Variants in ZEB1 observed in about 807,000 individuals in gnomAD.
ZEB1 encodes zinc finger E-box binding homeobox 1.
In ZEB1, 21 loss-of-function variants were observed where a neutral mutation model predicts 84.9. The observed-to-expected ratio is 0.25, with a 90% confidence interval of 0.18 to 0.36. ZEB1 has a LOEUF of 0.36. ZEB1 is among the 10% of genes least tolerant of loss of function. The pLI, the probability that ZEB1 is intolerant of heterozygous loss-of-function variation, is 1.00. For missense variants in ZEB1, 1,104 were observed against 1,330.2 expected (o/e 0.83, Z 2.65); for synonymous variants, 420 against 471.1 (o/e 0.89, Z 1.41).
chr10:31,360,122 G>A (rs975476798), intron 1 of ZEB1, among the ~76,000 whole-genome samples: 1 of 152,144 alleles, frequency 6.6e-6, no homozygotes, highest in African/African-American at 2.4e-5. Flanking sequence ...AAAGTACTTG[G>A]ACTTTACAAT....
intron 1 of ZEB1, among the ~76,000 whole-genome samples, chr10:31,435,495 A>G (rs1355332901): frequency 6.6e-6 from 1 of 152,226 alleles, no homozygotes; most frequent in Non-Finnish European, 1.5e-5. Flanking sequence ...AGGAAATAGG[A>G]TGATGTGAAA....
intron 1 of ZEB1, among the ~76,000 whole-genome samples, chr10:31,389,873 C>G (rs568389326): frequency 6.6e-6 from 1 of 152,028 alleles, no homozygotes. Context: ...ATTTTATACT[C>G]ACAGCACATC....
intron 1 of ZEB1, among the ~76,000 whole-genome samples, chr10:31,339,274 G>C (rs971337097): frequency 6.6e-6 from 1 of 152,102 alleles, no homozygotes; most frequent in Non-Finnish European, 1.5e-5. Context: ...GTGACACATG[G>C]TTTTAACAGG....
chr10:31,325,767 CT>C (rs1205369686), intron 1 of ZEB1, among the ~76,000 whole-genome samples: 1 of 151,762 alleles, frequency 6.6e-6, no homozygotes, highest in Non-Finnish European at 1.5e-5. Context: ...TCTGTTTTCT[CT>C]TTTTAAAATA....
At chr10:31,443,138 G>A (rs558860536) in intron 1 of ZEB1, among the ~76,000 whole-genome samples, 2 of 152,326 alleles carry the variant, frequency 1.3e-5, no homozygotes, top group South Asian at 2.1e-4. Flanking sequence ...TGTTACTGAG[G>A]TTGAGCATCT....
chr10:31,342,533 T>C (rs10508761), intron 1 of ZEB1, among the ~76,000 whole-genome samples: 7,854 of 152,168 alleles, frequency 0.052, 585 homozygotes, highest in East Asian at 0.18. Context: ...ATGTTTATTA[T>C]TGAATCTCTG....
intron 4 of ZEB1, among the ~76,000 whole-genome samples, chr10:31,505,081 A>C (rs1324433508): frequency 2.0e-5 from 3 of 152,014 alleles, no homozygotes; most frequent in Non-Finnish European, 2.9e-5. Flanking sequence ...TGGTTCTGTC[A>C]TATATGTCCT....
chr10:31,402,965 C>A (rs776918007), intron 1 of ZEB1, among the ~76,000 whole-genome samples: 6 of 152,010 alleles, frequency 3.9e-5, no homozygotes, highest in Non-Finnish European at 8.8e-5. Context: ...TTGTTATTAG[C>A]TGTTAGAAAT....
intron 1 of ZEB1, among the ~76,000 whole-genome samples, chr10:31,359,344 T>C (rs2042609618): frequency 6.6e-6 from 1 of 152,000 alleles, no homozygotes. Flanking sequence ...TGAGAACTCT[T>C]ATGTGTTATG....
chr10:31,431,477 G>A (rs2057702837), intron 1 of ZEB1, among the ~76,000 whole-genome samples: 1 of 152,164 alleles, frequency 6.6e-6, no homozygotes, highest in Admixed American at 6.5e-5. Context: ...CCCAGAGTAT[G>A]TTGCAGGGAT....
At chr10:31,359,112 A>G (rs2042577325) in intron 1 of ZEB1, among the ~76,000 whole-genome samples, 1 of 152,198 alleles carries the variant, frequency 6.6e-6, no homozygotes, top group Non-Finnish European at 1.5e-5. Context: ...AAGGTCACAC[A>G]TGTTAAATTA....
At chr10:31,458,054 A>G (rs1359213959) in intron 1 of ZEB1, among the ~76,000 whole-genome samples, 2 of 152,126 alleles carry the variant, frequency 1.3e-5, no homozygotes, top group Non-Finnish European at 2.9e-5. Context: ...CAGGAATGTC[A>G]GCTATCTAGG....
At chr10:31,356,342 TATATG>T (rs1275644879) in intron 1 of ZEB1, among the ~76,000 whole-genome samples, 1 of 141,330 alleles carries the variant, frequency 7.1e-6, no homozygotes, top group Non-Finnish European at 1.5e-5. Context: ...ATTTTGGACA[TATATG>T]ATGTGTATAT....
chr10:31,376,603 C>G (rs1489249929), intron 1 of ZEB1, among the ~76,000 whole-genome samples: 1 of 151,724 alleles, frequency 6.6e-6, no homozygotes, highest in Non-Finnish European at 1.5e-5. Context: ...GCTCCAGAGT[C>G]ATACTGGTTG....
chr10:31,462,190 A>G (rs1273622760), intron 2 of ZEB1, among the ~76,000 whole-genome samples: 1 of 151,984 alleles, frequency 6.6e-6, no homozygotes, highest in East Asian at 1.9e-4. Context: ...AGTGTAGATA[A>G]AAGCTCAGAT....
intron 1 of ZEB1, among the ~76,000 whole-genome samples, chr10:31,338,020 C>T (rs1331644215): frequency 1.3e-5 from 2 of 152,042 alleles, no homozygotes; most frequent in Non-Finnish European, 2.9e-5. Flanking sequence ...GTGTGATACT[C>T]CAAAATGTAT....
intron 3 of ZEB1, among the ~76,000 whole-genome samples, chr10:31,496,150 A>C (rs768957247): frequency 2.6e-5 from 4 of 152,070 alleles, no homozygotes; most frequent in Non-Finnish European, 4.4e-5. Context: ...GTTTTTGACC[A>C]AAGTTAGAGA....
chr10:31,461,555 A>G (rs1336083881), intron 2 of ZEB1, among the ~76,000 whole-genome samples: 4 of 152,148 alleles, frequency 2.6e-5, no homozygotes, highest in Non-Finnish European at 4.4e-5. Flanking sequence ...CTCTACTTAG[A>G]AACCAATAAA....
At chr10:31,398,729 C>T (rs1564717879) in intron 1 of ZEB1, among the ~76,000 whole-genome samples, 1 of 152,142 alleles carries the variant, frequency 6.6e-6, no homozygotes, top group African/African-American at 2.4e-5. Flanking sequence ...CTTATTTGAC[C>T]TGGCAACGGT....
Sources: gnomAD v4.1 joint callset for allele counts (sites outside exome capture counted in the v4.1 genomes callset) on GRCh38, gnomAD v4.1.1 for gene constraint, MANE v1.5 for transcripts, NCBI Gene and HGNC (gene_info 2026-07-23, HGNC 2026-07-21) for gene names.